CSNK1G3: variants seen among roughly 807,000 people sequenced by gnomAD.
CSNK1G3 encodes the protein casein kinase I isoform gamma-3.
In CSNK1G3, 23 loss-of-function variants were observed where a neutral mutation model predicts 64.3. That is an observed-to-expected ratio of 0.36 (90% CI 0.26 to 0.51). The LOEUF is 0.51. Ranked by LOEUF, CSNK1G3 falls within the 20% of genes least tolerant of loss-of-function variation. The pLI, the probability that CSNK1G3 is intolerant of heterozygous loss-of-function variation, is 0.96. For synonymous variants in CSNK1G3, 158 were observed against 162.2 expected (o/e 0.97, Z 0.20); for missense variants, 357 against 510.5 (o/e 0.70, Z 2.90).
exon 4 of CSNK1G3, chr5:123,557,497 G>A (rs1784864541): frequency 6.2e-7 from 1 of 1,605,896 alleles, no homozygotes; most frequent in East Asian, 2.2e-5. Context: ...TCAATTAGGA[G>A]CCCATGAAAT....
At chr5:123,616,901 G>T (rs1032687474) in exon 13 of CSNK1G3, 1 of 152,018 alleles carries the variant, frequency 6.6e-6, no homozygotes, top group Non-Finnish European at 1.5e-5. Context: ...ATATGCTTTT[G>T]TTATTTTATG....
chr5:123,581,333 T>C lies in CSNK1G3; in HGVS notation c.673+5370T>C, dbSNP rs541106768. On this transcript the variant is annotated intron_variant, in intron 6 of 12. Coordinates refer to ENST00000345990, the Ensembl canonical transcript of CSNK1G3. The stretch of plus-strand genomic sequence containing the variant: ...AGACAATTTTATTTATACTTTGTAA[T>C]AGATTCTCTTTTTGTTTTTTGGGTT... Among the ~76,000 whole-genome samples the C allele has an allele frequency of 4.5e-4, 67 of 149,304 alleles. 1 individual carries two copies. The highest frequency in any genetic ancestry group is 1.6e-3 in the African/African-American group (65 of 40,882).
chr5:123,615,058 T>A (rs1039424952), exon 13 of CSNK1G3: 18 of 152,768 alleles, frequency 1.2e-4, no homozygotes, highest in African/African-American at 4.3e-4. Context: ...GTGGTAAATA[T>A]GTGCTCCGCT....
chr5:123,586,171 G>A (rs1028189912), intron 6 of CSNK1G3, among the ~76,000 whole-genome samples: 7 of 152,170 alleles, frequency 4.6e-5, no homozygotes, highest in African/African-American at 7.2e-5. Flanking sequence ...ATTTGGACAC[G>A]AATCTATACT....
chr5:123,608,400 G>T (rs1365458667), intron 12 of CSNK1G3, among the ~76,000 whole-genome samples: 2 of 152,128 alleles, frequency 1.3e-5, no homozygotes, highest in Non-Finnish European at 2.9e-5. Flanking sequence ...TAGTAATGAG[G>T]TTTTGTCTTT....
At chr5:123,581,967 C>G (rs1426647357) in intron 6 of CSNK1G3, among the ~76,000 whole-genome samples, 2 of 151,860 alleles carry the variant, frequency 1.3e-5, no homozygotes, top group African/African-American at 2.4e-5. Flanking sequence ...CTGTGCTTTG[C>G]TTAGCCAACA....
chr5:123,582,027 G>C (rs1309915611), intron 6 of CSNK1G3, among the ~76,000 whole-genome samples: 1 of 151,854 alleles, frequency 6.6e-6, no homozygotes, highest in Non-Finnish European at 1.5e-5. Flanking sequence ...GCAGTAGTAA[G>C]TTTATTTTTG....
chr5:123,611,354 AC>A (rs1384626261), intron 12 of CSNK1G3, among the ~76,000 whole-genome samples: 2 of 152,174 alleles, frequency 1.3e-5, no homozygotes, highest in Admixed American at 1.3e-4. Context: ...CTTTATAAGG[AC>A]GTTCTTTATT....
rs185871748 is a variant in CSNK1G3 at position 123,557,041 on chromosome 5, T to C, written c.220-454T>C. Among the ~76,000 whole-genome samples the C allele has an allele frequency of 1.9e-3, 292 of 152,148 alleles. 1 individual carries two copies. Among genetic ancestry groups the C allele is most frequent in the Middle Eastern group, 0.01 (3 of 294 alleles). ...GTTTTATTGCATATAAGTTATACTT[T>C]AGTGAAAAAAAATTAAGACATTGTT... On this transcript the variant is annotated intron_variant, in intron 3 of 12. Coordinates refer to ENST00000345990, the Ensembl canonical transcript of CSNK1G3.
At chr5:123,545,442 A>G in exon 2 of CSNK1G3, 3 of 417,866 alleles carry the variant, frequency 7.2e-6, no homozygotes, top group Middle Eastern at 6.4e-4. Context: ...AGCTCACATC[A>G]TTGAAAAGAT....
chr5:123,554,617 G>C lies in CSNK1G3; in HGVS notation c.219+1470G>C, dbSNP rs115063503. Among the ~76,000 whole-genome samples, 1,138 of 152,306 alleles carry C rather than the reference G, an allele frequency of 7.5e-3. 13 individuals are homozygous for C. Among genetic ancestry groups the C allele is most frequent in the African/African-American group, 0.025 (1,056 of 41,566 alleles). ...GCTGGGATTACAGGCGTGAGCCACT[G>C]TGCCCAGCCTGGACGTTGTTTGAAC... On this transcript the variant is annotated intron_variant, in intron 3 of 12. Transcript: ENST00000345990.
At chr5:123,567,597 C>G (rs1341024088) in intron 4 of CSNK1G3, among the ~76,000 whole-genome samples, 1 of 152,002 alleles carries the variant, frequency 6.6e-6, no homozygotes, top group Non-Finnish European at 1.5e-5. Context: ...TAGAGTGAGA[C>G]TCCATTTTAA....
At chr5:123,583,236 A>G (rs1790657046) in intron 6 of CSNK1G3, among the ~76,000 whole-genome samples, 1 of 151,900 alleles carries the variant, frequency 6.6e-6, no homozygotes, top group South Asian at 2.1e-4. Flanking sequence ...TGCATATTAT[A>G]TATAGGTCTT....
intron 6 of CSNK1G3, among the ~76,000 whole-genome samples, chr5:123,581,335 G>C (rs1280264720): frequency 7.2e-6 from 1 of 139,764 alleles, no homozygotes; most frequent in East Asian, 2.1e-4. Context: ...CTTTGTAATA[G>C]ATTCTCTTTT....
At chr5:123,598,028 CTTATT>C (rs1178229111) in intron 10 of CSNK1G3, among the ~76,000 whole-genome samples, 1 of 152,036 alleles carries the variant, frequency 6.6e-6, no homozygotes, top group Non-Finnish European at 1.5e-5. Context: ...TGGGATTTTT[CTTATT>C]TTATCTCTTT....
chr5:123,587,070 C>T (rs191226570), intron 6 of CSNK1G3, among the ~76,000 whole-genome samples: 11 of 152,286 alleles, frequency 7.2e-5, no homozygotes, highest in Admixed American at 3.9e-4. Context: ...CCTCTCACAA[C>T]GCATGAGAAT....
chr5:123,576,498 A>G (rs1253468826), intron 6 of CSNK1G3, among the ~76,000 whole-genome samples: 2 of 152,152 alleles, frequency 1.3e-5, no homozygotes, highest in Admixed American at 1.3e-4. Context: ...GTAAAACAAT[A>G]TCAACTTCAC....
At chr5:123,543,204 A>G (rs1781970764) in intron 1 of CSNK1G3, among the ~76,000 whole-genome samples, 1 of 152,154 alleles carries the variant, frequency 6.6e-6, no homozygotes, top group Non-Finnish European at 1.5e-5. Flanking sequence ...TAATGTGCTC[A>G]GAGCTACTCT....
chr5:123,513,851 C>CAAA, intron 1 of CSNK1G3, among the ~76,000 whole-genome samples: 1 of 151,332 alleles, frequency 6.6e-6, no homozygotes, highest in East Asian at 1.9e-4. Flanking sequence ...TATTTTTCAC[C>CAAA]AAAAAAATCA....
Sources: allele counts gnomAD v4.1 joint callset (sites outside exome capture counted in the v4.1 genomes callset), GRCh38; gene constraint gnomAD v4.1.1; transcripts MANE v1.5; gene names NCBI Gene and HGNC (gene_info 2026-07-23, HGNC 2026-07-21).